The following AARS2 variants were observed in gnomAD, a reference collection of about 807,000 sequenced individuals.
AARS2 encodes alanine--tRNA ligase, mitochondrial.
In AARS2, 78 loss-of-function variants were observed where a neutral mutation model predicts 119.7. The ratio of observed to expected loss-of-function variants is 0.65; its 90% CI spans 0.54 to 0.79. The LOEUF (loss-of-function observed/expected upper bound fraction) is 0.79, where lower values mean the gene tolerates loss of function less well. Ranked by LOEUF, AARS2 falls within the 30% of genes least tolerant of loss-of-function variation. AARS2 has a pLI of 0.00. For missense variants in AARS2, 1,157 were observed against 1,291.3 expected, an observed-to-expected ratio of 0.90 and a Z score of 1.59; for synonymous variants, 502 against 526.3, an observed-to-expected ratio of 0.95 and a Z score of 0.63.
Position 44,303,056 on chromosome 6 carries a change from A to G in AARS2, c.2255+10T>C. 6.2e-7 allele frequency: 1 copy of G among 1,613,910 alleles called. No individual in the cohort carries two copies. Among genetic ancestry groups the G allele is most frequent in the Non-Finnish European group, 8.5e-7 (1 of 1,179,956 alleles). ...GCCCCTGGGCCAGGCAGCACAAAGG[A>G]GTGACTCACGTCCCACAGCATAGCT... is the stretch of plus-strand genomic sequence containing the variant. On this transcript the variant is annotated intron_variant, in intron 16 of 21. Transcript: ENST00000244571.
intron 21 of AARS2, 76 bp from the exon 22 acceptor site, chr6:44,300,787 G>A (rs1785289609): frequency 5.1e-6 from 8 of 1,555,784 alleles, no homozygotes; most frequent in Non-Finnish European, 6.1e-6. Context: ...ACCCTCAAGA[G>A]TGGAGCTGAA....
intron 7 of AARS2, 113 bp from the exon 8 acceptor site, chr6:44,306,645 G>T: frequency 7.9e-7 from 1 of 1,273,092 alleles, no homozygotes; most frequent in South Asian, 1.2e-5. Context: ...CACATTGAGG[G>T]GCTGGGAGAG....
At chr6:44,301,315 G>C (rs1331419626) in intron 20 of AARS2, 49 bp from the exon 21 acceptor site, 4 of 1,613,108 alleles carry the variant, frequency 2.5e-6, no homozygotes, top group South Asian at 1.1e-5. Context: ...CAGACCCCTA[G>C]CTGTCTCCTG....
intron 19 of AARS2, 22 bp from the exon 20 acceptor site, chr6:44,301,486 C>T (rs1352319057): frequency 6.2e-7 from 1 of 1,601,984 alleles, no homozygotes; most frequent in Non-Finnish European, 8.5e-7. Context: ...GAAGGACAAG[C>T]AGAGGGGTCA....
chr6:44,307,004 T>C lies in AARS2; in HGVS notation c.1068A>G (p.Arg356=). 1 of 1,613,844 alleles carries C rather than the reference T, an allele frequency of 6.2e-7. No individual in the cohort carries two copies. ...AGATCTCCATGGAGAAACGCACAGC[T>C]CGACGCAGGATCCGACGAAGAACCA... ...PPLVLRRILR[R]AVRFSMEILK... The change falls in exon 7 of 22, where the codon CGA becomes CGG. Residue 356 remains arginine, a synonymous_variant. Coordinates refer to ENST00000244571, the MANE Select transcript of AARS2 (RefSeq NM_020745.4). The surrounding 1 kb of genome is among the most constrained non-coding windows in gnomAD (Gnocchi z 4.4).
Position 44,300,533 on chromosome 6 carries a change from T to C in AARS2, c.*14A>G. ...ATTGCCTTTAGTCCATGTGGGTCCC[T>C]GGGCGGACCTGGGTCAGAGCTGGCT... On this transcript the variant is annotated 3_prime_UTR_variant, in exon 22 of 22. Transcript: ENST00000244571. The C allele has an allele frequency of 6.2e-7, 1 of 1,613,936 alleles. No individual in the cohort carries two copies. Among genetic ancestry groups the C allele is most frequent in the East Asian group, 2.2e-5 (1 of 44,880 alleles).
In AARS2 at chr6:44,299,076, G is replaced by A. The variant is rs996356800; in HGVS notation, c.*1471C>T. ...GCTCAGTGGCACTGGCCACCTCACG[G>A]CCTCTGCATTGGCTGTTCCCTCAGG... On this transcript the variant is annotated 3_prime_UTR_variant, in exon 22 of 22. Coordinates refer to ENST00000244571, the MANE Select transcript of AARS2 (RefSeq NM_020745.4). Among the ~76,000 whole-genome samples the A allele has an allele frequency of 5.3e-5, 8 of 152,140 alleles. No individual in the cohort carries two copies. The highest frequency in any genetic ancestry group is 8.8e-5 in the Non-Finnish European group (6 of 68,018).
Position 44,307,416 on chromosome 6 carries a change from C to A in AARS2, c.895-22G>T. Reference sequence around the variant, plus strand: ...AGCCCTGGGAAGCAGAAGAGTCAGCCAGTGGCCCTGCCTGACCTGGCCCAG... The same window carrying A: ...AGCCCTGGGAAGCAGAAGAGTCAGCAAGTGGCCCTGCCTGACCTGGCCCAG... On this transcript the variant is annotated intron_variant, in intron 5 of 21. Transcript: ENST00000244571. This position sits in a 1 kb window ranked among gnomAD's most constrained non-coding sequence, Gnocchi z 4.4. 1 of 1,586,824 alleles carries A rather than the reference C, an allele frequency of 6.3e-7. No homozygotes were observed.
Position 44,304,653 on chromosome 6 carries a change from C to T in AARS2, c.1744G>A (p.Gly582Arg), listed in dbSNP as rs756163962. 4 of 1,614,120 alleles carry T rather than the reference C, an allele frequency of 2.5e-6. No homozygotes were observed. The highest frequency in any genetic ancestry group is 3.3e-5 in the Admixed American group (2 of 60,010). Reference protein sequence around the residue: ...ASDRGYLVRAGQEDVLFPVAR... With the variant: ...ASDRGYLVRARQEDVLFPVAR... ...TTGTGATGGAGACTCACCTCTTGCC[C>T]TGCCCGCACCAGGTAGCCACGGTCT... is the stretch of plus-strand genomic sequence containing the variant. Residue 582 changes from glycine to arginine, a missense_variant, in exon 12 of 22, where the codon GGG (glycine) becomes AGG (arginine). Transcript: ENST00000244571.
Position 44,313,200 on chromosome 6 carries a change from C to T in AARS2, c.124G>A (p.Val42Met). ...SEPPAAKASA[V>M]RAAFLNFFRD... ...AAGAAGTTCAGAAAGGCGGCCCTCA[C>T]GGCCGAGGCCTTGGCTGCAGGGGGC... The change falls in exon 1 of 22, where the codon GTG becomes ATG. Residue 42 changes from valine to methionine, a missense_variant. Val to Met is a conservative substitution (Grantham distance 21). Coordinates refer to ENST00000244571, the MANE Select transcript of AARS2 (RefSeq NM_020745.4). 1.2e-6 allele frequency: 2 copies of T among 1,609,716 alleles called. No homozygotes were observed. The highest frequency in any genetic ancestry group is 1.1e-5 in the South Asian group (1 of 90,586).
chr6:44,310,441 T>C lies in AARS2; in HGVS notation c.752A>G (p.Glu251Gly), dbSNP rs1368714646. 2.5e-6 allele frequency: 4 copies of C among 1,613,306 alleles called. No individual in the cohort carries two copies. The highest frequency in any genetic ancestry group is 2.5e-6 in the Non-Finnish European group (3 of 1,179,910). ...WNLVFMQHNR[E>G]ADGSLQPLPQ... ...CAGGGGCTGCAGGCTTCCATCTGCC[T>C]CTCTGGCCAGGGAAGGTGTGCAAGG... The change falls in exon 5 of 22, where the codon GAG (glutamate) becomes GGG (glycine). Residue 251 changes from glutamate to glycine, a missense_variant and splice_region_variant. Glu to Gly is a moderately conservative substitution (Grantham distance 98). Coordinates refer to ENST00000244571, the MANE Select transcript of AARS2 (RefSeq NM_020745.4).
chr6:44,312,541 A>C (rs372161336), intron 1 of AARS2, among the ~76,000 whole-genome samples: 2 of 152,168 alleles, frequency 1.3e-5, no homozygotes, highest in Admixed American at 6.5e-5. Context: ...TGGGAGCTGG[A>C]AATGGGACGC....
At chr6:44,302,266 A>G in intron 18 of AARS2, 96 bp from the exon 19 acceptor site, 1 of 1,609,814 alleles carries the variant, frequency 6.2e-7, no homozygotes, top group Non-Finnish European at 8.5e-7. Flanking sequence ...CACCCTGCAG[A>G]CAAATATCTG....
At chr6:44,306,696 A>T (rs1351858942) in intron 7 of AARS2, among the ~76,000 whole-genome samples, 164 bp from the exon 8 acceptor site, 1 of 152,122 alleles carries the variant, frequency 6.6e-6, no homozygotes, top group Non-Finnish European at 1.5e-5. Context: ...GGGTGGCAGA[A>T]GGGGGTCCTG....
intron 4 of AARS2, 69 bp from the exon 5 acceptor site, chr6:44,310,512 G>A (rs371517910): frequency 4.4e-6 from 7 of 1,593,688 alleles, no homozygotes; most frequent in Admixed American, 1.7e-5. Context: ...TGCCCAAGTG[G>A]AGTAGAGAAA....
chr6:44,300,667 C>T lies in AARS2; in HGVS notation c.2838G>A (p.Val946=). 1 of 1,613,700 alleles carries T rather than the reference C, an allele frequency of 6.2e-7. No homozygotes were observed. The highest frequency in any genetic ancestry group is 8.5e-7 in the Non-Finnish European group (1 of 1,180,026). Residue 946 remains valine (V), a synonymous_variant, in exon 22 of 22, where the codon GTG becomes GTA. Transcript: ENST00000244571. ...TFTAEAWALA[V]CSHMGGKAWG... is the part of the protein sequence containing the mutation. Reference sequence around the variant, plus strand: ...ACGCCTTGCCCCCCATGTGGCTGCACACTGCCAGTGCCCAGGCCTCTGCTG... The same window carrying T: ...ACGCCTTGCCCCCCATGTGGCTGCATACTGCCAGTGCCCAGGCCTCTGCTG...
intron 17 of AARS2, 129 bp from the exon 18 acceptor site, chr6:44,302,642 T>C (rs1785455871): frequency 6.6e-7 from 1 of 1,525,292 alleles, no homozygotes; most frequent in African/African-American, 1.4e-5. Context: ...CACCAAATAA[T>C]CAAAACACAT....
rs1264513602 is a variant in AARS2 at position 44,299,512 on chromosome 6, A to C, written c.*1035T>G. The stretch of plus-strand genomic sequence containing the variant: ...ACTTCTGGCCTCAAGCGATTCTCCA[A>C]CCTCAGCCTCCTAAAATGCCAGGAT... On this transcript the variant is annotated 3_prime_UTR_variant, in exon 22 of 22. Transcript: ENST00000244571. 1 of 151,202 alleles carries C rather than the reference A, an allele frequency of 6.6e-6. No individual in the cohort carries two copies. Among genetic ancestry groups the C allele is most frequent in the Admixed American group, 6.6e-5 (1 of 15,190 alleles). The allele number at this position is 151,202 out of a possible 1,614,324, so 9.4% of individuals were successfully genotyped here. A position where few individuals can be genotyped will look rare whatever the true frequency, so the allele number is the denominator to read the frequency against.
In AARS2 at chr6:44,313,274, C is replaced by T; in HGVS notation, c.50G>A (p.Arg17Gln). The T allele has an allele frequency of 6.3e-7, 1 of 1,597,104 alleles. No individual in the cohort carries two copies. Among genetic ancestry groups the T allele is most frequent in the Non-Finnish European group, 8.5e-7 (1 of 1,175,714 alleles). ...AAARRLRRAI[R>Q]RSPAWRGLSH... Reference sequence around the variant, plus strand: ...GAGGCCCCGCCATGCGGGCGACCTTCGAATGGCCCGCCGCAGCCTCCGGGC... The same window carrying T: ...GAGGCCCCGCCATGCGGGCGACCTTTGAATGGCCCGCCGCAGCCTCCGGGC... Residue 17 changes from arginine to glutamine, a missense_variant, in exon 1 of 22, where the codon CGA (arginine) becomes CAA (glutamine). Coordinates refer to ENST00000244571, the MANE Select transcript of AARS2 (RefSeq NM_020745.4).
Sources: gnomAD v4.1 joint callset for allele counts (sites outside exome capture counted in the v4.1 genomes callset) on GRCh38, gnomAD v4.1.1 for gene constraint, Gnocchi (gnomAD v3.1) non-coding constraint, MANE v1.5 for transcripts, NCBI Gene and HGNC (gene_info 2026-07-23, HGNC 2026-07-21) for gene names.